Variants in GREM1 observed in about 807,000 individuals in gnomAD.
GREM1 encodes the protein gremlin-1.
In GREM1, 6 loss-of-function variants were observed where a neutral mutation model predicts 13.1. The ratio of observed to expected loss-of-function variants is 0.46; its 90% CI spans 0.25 to 0.91. GREM1 has a LOEUF of 0.91. Ranked by LOEUF, GREM1 falls within the 40% of genes least tolerant of loss-of-function variation. The probability of loss-of-function intolerance (pLI) is 0.18; values close to 1 mark genes in which losing one functional copy is unlikely to be tolerated. For missense variants in GREM1, 185 were observed against 233.9 expected, an observed-to-expected ratio of 0.79 and a Z score of 1.36; for synonymous variants, 98 against 93.7, an observed-to-expected ratio of 1.05 and a Z score of -0.27.
intron 1 of GREM1, among the ~76,000 whole-genome samples, chr15:32,721,361 C>T (rs1457591780): frequency 6.6e-6 from 1 of 152,076 alleles, no homozygotes; most frequent in Non-Finnish European, 1.5e-5. Context: ...ACAGTAAGGG[C>T]TTCAAAATAA....
rs2055416620 is a variant in GREM1 at position 32,721,976 on chromosome 15, C to T, written c.-2+3815C>T. On this transcript the variant is annotated intron_variant, in intron 1 of 1. Coordinates refer to ENST00000651154, the MANE Select transcript of GREM1 (RefSeq NM_013372.7). Reference sequence around the variant, plus strand: ...AGATATTTCACAACCAGGTGGTCTCCTCCCTGTCCTATGCAATGTTGGGCC... The same window carrying T: ...AGATATTTCACAACCAGGTGGTCTCTTCCCTGTCCTATGCAATGTTGGGCC... Among the ~76,000 whole-genome samples, 4 of 152,212 alleles carry T rather than the reference C, an allele frequency of 2.6e-5. 1 individual carries two copies. The South Asian group carries it at 8.3e-4, about 31-fold the overall frequency.
In GREM1 at chr15:32,734,540, G is replaced by C; in HGVS notation, c.*3295G>C. ...TGTGTAGGAGGATGAAAGGGGAGTT[G>C]ATAGTCTCATAAAACTAATTTGGCT... On this transcript the variant is annotated 3_prime_UTR_variant, in exon 2 of 2. Transcript: ENST00000651154. 1 of 247,248 alleles carries C rather than the reference G, an allele frequency of 4.0e-6. No individual in the cohort carries two copies. Among genetic ancestry groups the C allele is most frequent in the Non-Finnish European group, 8.5e-6 (1 of 117,610 alleles). The allele number at this position is 247,248 out of a possible 1,614,324, so 15.3% of individuals were successfully genotyped here.
rs1475059462 is a variant in GREM1, at chr15:32,723,404, CAGCTAGTGTGCCTCAG to C, written c.-2+5247_-2+5262del. ...CCTGCTTACTGTCACTCATGTAGAG[CAGCTAGTGTGCCTCAG>C]AGCACTGCTGTTCTCTGAGAAGCTG... On this transcript the variant is annotated intron_variant, in intron 1 of 1. Transcript: ENST00000651154. Among the ~76,000 whole-genome samples, 554 of 152,244 alleles carry C rather than the reference CAGCTAGTGTGCCTCAG, an allele frequency of 3.6e-3. 2 individuals carry two copies. The highest frequency in any genetic ancestry group is 0.013 in the African/African-American group (528 of 41,530).
At position 32,740,937 on chromosome 15, in the gene GREM1, G is replaced by GTC. The variant is rs1301193970; in HGVS notation, c.*9695_*9696dup. 1 of 152,098 alleles carries GTC rather than the reference G, an allele frequency of 6.6e-6. No individual in the cohort carries two copies. The highest frequency in any genetic ancestry group is 1.9e-4 in the East Asian group (1 of 5,190). 9.4% of individuals were successfully genotyped at this position (152,098 alleles called of 1,614,324 possible). On this transcript the variant is annotated 3_prime_UTR_variant, in exon 2 of 2. Coordinates refer to ENST00000651154, the MANE Select transcript of GREM1 (RefSeq NM_013372.7). ...ATGAGCATTCTGATTTGCCAGTGTG[G>GTC]TCTCATGTTACCCCTGTGCCTAGAA...
chr15:32,718,829 C>T (rs2055349889), intron 1 of GREM1: 2 of 285,654 alleles, frequency 7.0e-6, no homozygotes, highest in South Asian at 6.7e-5. Flanking sequence ...ACCCGCAGTG[C>T]TCACAAGGCA....
intron 1 of GREM1, among the ~76,000 whole-genome samples, chr15:32,724,693 G>T (rs1052484354): frequency 4.0e-5 from 6 of 151,730 alleles, no homozygotes; most frequent in Admixed American, 2.6e-4. Flanking sequence ...GAATGTGCAG[G>T]TTTGTTACAT....
In GREM1 at chr15:32,723,005, G is replaced by A. The variant is rs1528734; in HGVS notation, c.-2+4844G>A. Among the ~76,000 whole-genome samples the A allele has an allele frequency of 0.35, 53,923 of 151,988 alleles. 9,913 individuals carry two copies. The highest frequency in any genetic ancestry group is 0.49 in the East Asian group (2,551 of 5,164). ...ATGAGATGCAGCTTAATTTAATTTAGTGATATGAGTAGGCCATTTCATAAG... is the reference window on the plus strand; with the variant it reads ...ATGAGATGCAGCTTAATTTAATTTAATGATATGAGTAGGCCATTTCATAAG... On this transcript the variant is annotated intron_variant, in intron 1 of 1. Coordinates refer to ENST00000651154, the MANE Select transcript of GREM1 (RefSeq NM_013372.7).
rs8041794 is a variant in GREM1 at position 32,727,877 on chromosome 15, C to T, written c.-1-2813C>T. On this transcript the variant is annotated intron_variant, in intron 1 of 1. Transcript: ENST00000651154. ...CAAACAGCCAAATCATGAGTGAACT[C>T]CCATTCACAAGTGCTACAAAGAATA... 0.099 allele frequency among the ~76,000 whole-genome samples: 15,018 copies of T among 152,166 alleles called. 789 individuals are homozygous for T. The highest frequency in any genetic ancestry group is 0.21 in the East Asian group (1,101 of 5,168).
In GREM1 at chr15:32,741,605, T is replaced by A. The variant is rs2055762164; in HGVS notation, c.*10360T>A. The A allele has an allele frequency of 6.6e-6, 1 of 152,148 alleles. No individual in the cohort carries two copies. Among genetic ancestry groups the A allele is most frequent in the East Asian group, 1.9e-4 (1 of 5,202 alleles). 9.4% of individuals were successfully genotyped at this position (152,148 alleles called of 1,614,324 possible). On this transcript the variant is annotated 3_prime_UTR_variant, in exon 2 of 2. Transcript: ENST00000651154. ...TTAGGGTTTTCTATGTATAAGATTA[T>A]GTCATCTGCAAACAGCAACAATTTT...
Position 32,733,549 on chromosome 15 carries a change from C to T in GREM1, c.*2304C>T, listed in dbSNP as rs2055656718. Reference sequence around the variant, plus strand: ...TCAACACTAACTTCACTGGGATAATCAGCAGCGTAACTACCCTAAAAGCAT... The same window carrying T: ...TCAACACTAACTTCACTGGGATAATTAGCAGCGTAACTACCCTAAAAGCAT... On this transcript the variant is annotated 3_prime_UTR_variant, in exon 2 of 2. Transcript: ENST00000651154. 4.3e-6 allele frequency: 1 copy of T among 233,416 alleles called. No individual in the cohort carries two copies. Among genetic ancestry groups the T allele is most frequent in the South Asian group, 1.9e-4 (1 of 5,380 alleles). 14.5% of individuals were successfully genotyped at this position (233,416 alleles called of 1,614,324 possible). A position where few individuals can be genotyped will look rare whatever the true frequency, so the allele number is the denominator to read the frequency against.
chr15:32,725,726 A>G (rs904875992), intron 1 of GREM1, among the ~76,000 whole-genome samples: 4 of 152,174 alleles, frequency 2.6e-5, no homozygotes, highest in Admixed American at 6.5e-5. Context: ...CTATGTCCTG[A>G]ATTGTATTGC....
In GREM1 at chr15:32,744,708, G is replaced by A. The variant is rs982927086; in HGVS notation, c.*13463G>A. On this transcript the variant is annotated 3_prime_UTR_variant, in exon 2 of 2. Coordinates refer to ENST00000651154, the MANE Select transcript of GREM1 (RefSeq NM_013372.7). Reference sequence around the variant, plus strand: ...CATTGTACAGATGCAGGATAACAATGCAGTGTTATCCTGCATCTGTACAAT... The same window carrying A: ...CATTGTACAGATGCAGGATAACAATACAGTGTTATCCTGCATCTGTACAAT... 1 of 151,566 alleles carries A rather than the reference G, an allele frequency of 6.6e-6. No homozygotes were observed. The highest frequency in any genetic ancestry group is 2.4e-5 in the African/African-American group (1 of 41,244). The allele number at this position is 151,566 out of a possible 1,614,324, so 9.4% of individuals were successfully genotyped here.
intron 1 of GREM1, among the ~76,000 whole-genome samples, chr15:32,727,706 T>G (rs960067997): frequency 2.0e-5 from 3 of 152,232 alleles, no homozygotes; most frequent in Non-Finnish European, 2.9e-5. Context: ...AAATTGTCTC[T>G]GTTTGCAGAT....
intron 1 of GREM1, among the ~76,000 whole-genome samples, chr15:32,722,833 A>G (rs2055431997): frequency 6.6e-6 from 1 of 152,240 alleles, no homozygotes; most frequent in Non-Finnish European, 1.5e-5. Flanking sequence ...ACAGTTGCAA[A>G]GAAAACTCAT....
chr15:32,718,485 G>T (rs1323792081), intron 1 of GREM1: 1 of 464,460 alleles, frequency 2.2e-6, no homozygotes, highest in Admixed American at 2.3e-5. Flanking sequence ...GCGCCTGGCA[G>T]ACGCGCCCGC....
rs2055616216 is a variant in GREM1 at position 32,731,423 on chromosome 15, G to C, written c.*178G>C. Reference sequence around the variant, plus strand: ...CATGAGTGTGGATGGGTGCCTGTGGGTGTTTTTAGACACCAGAGAAAACAC... The same window carrying C: ...CATGAGTGTGGATGGGTGCCTGTGGCTGTTTTTAGACACCAGAGAAAACAC... On this transcript the variant is annotated 3_prime_UTR_variant, in exon 2 of 2. Coordinates refer to ENST00000651154, the MANE Select transcript of GREM1 (RefSeq NM_013372.7). 3.2e-6 allele frequency: 2 copies of C among 616,704 alleles called. No homozygotes were observed. The highest frequency in any genetic ancestry group is 3.0e-5 in the Admixed American group (1 of 33,606). 38.2% of individuals were successfully genotyped at this position (616,704 alleles called of 1,614,324 possible).
At position 32,744,457 on chromosome 15, in the gene GREM1, C is replaced by G. The variant is rs1179888103; in HGVS notation, c.*13212C>G. ...GTGTGGTGGCAGGTGCCTGAAGTCC[C>G]AGCTACTCGGGAGGCTGAGGCAGGG... On this transcript the variant is annotated 3_prime_UTR_variant, in exon 2 of 2. Transcript: ENST00000651154. The G allele has an allele frequency of 6.6e-6, 1 of 151,686 alleles. No homozygotes were observed. Among genetic ancestry groups the G allele is most frequent in the Non-Finnish European group, 1.5e-5 (1 of 68,138 alleles). 9.4% of individuals were successfully genotyped at this position (151,686 alleles called of 1,614,324 possible). A position where few individuals can be genotyped will look rare whatever the true frequency, so the allele number is the denominator to read the frequency against.
chr15:32,734,817 C>T lies in GREM1; in HGVS notation c.*3572C>T, dbSNP rs2055676308. 5.5e-6 allele frequency: 1 copy of T among 183,030 alleles called. No individual in the cohort carries two copies. The highest frequency in any genetic ancestry group is 2.4e-5 in the African/African-American group (1 of 42,506). The allele number at this position is 183,030 out of a possible 1,614,324, so 11.3% of individuals were successfully genotyped here. ...TTCCTTTTGCCTAGGCCTTTCAGAC[C>T]CTGCTTGATTTCCGTAGGACACTTC... On this transcript the variant is annotated 3_prime_UTR_variant, in exon 2 of 2. Transcript: ENST00000651154.
At chr15:32,718,232 C>G (rs2055328868) in intron 1 of GREM1, 71 bp downstream of exon 1, 1 of 1,189,942 alleles carries the variant, frequency 8.4e-7, no homozygotes, top group Non-Finnish European at 1.1e-6. Flanking sequence ...ACCCAGGACC[C>G]GCTCAGTTCC....
Sources: gnomAD v4.1 joint callset for allele counts (sites outside exome capture counted in the v4.1 genomes callset) on GRCh38, gnomAD v4.1.1 for gene constraint, MANE v1.5 for transcripts, NCBI Gene and HGNC (gene_info 2026-07-23, HGNC 2026-07-21) for gene names.